Variants in HECW1 observed in about 807,000 individuals in gnomAD.
HECW1 encodes HECT, C2 and WW domain containing E3 ubiquitin protein ligase 1.
In HECW1, 61 loss-of-function variants were observed where a neutral mutation model predicts 182.3. The observed-to-expected ratio is 0.33, with a 90% CI of 0.27 to 0.41. HECW1 has a LOEUF of 0.41. HECW1 is among the 10% of genes least tolerant of loss of function. The pLI, the probability that HECW1 is intolerant of heterozygous loss-of-function variation, is 1.00. For missense variants in HECW1, 1,739 were observed against 2,108.9 expected, an observed-to-expected ratio of 0.82 and a Z score of 3.44; for synonymous variants, 859 against 832.6, an observed-to-expected ratio of 1.03 and a Z score of -0.55.
intron 5 of HECW1, among the ~76,000 whole-genome samples, chr7:43,327,771 T>C (rs1290698662): frequency 6.6e-6 from 1 of 152,186 alleles, no homozygotes; most frequent in Non-Finnish European, 1.5e-5. Context: ...CATACAGTGA[T>C]AATTTTGTCC....
intron 2 of HECW1, among the ~76,000 whole-genome samples, chr7:43,168,657 C>A (rs972524390): frequency 2.0e-5 from 3 of 151,972 alleles, no homozygotes; most frequent in African/African-American, 7.3e-5. Context: ...AAAACCCTGT[C>A]TCCAAAATAA....
intron 16 of HECW1, among the ~76,000 whole-genome samples, chr7:43,471,066 A>T (rs1424300000): frequency 6.6e-6 from 1 of 152,264 alleles, no homozygotes; most frequent in Non-Finnish European, 1.5e-5. Context: ...ATAAGTTAAT[A>T]AGTTAATGAA....
At chr7:43,482,867 T>G (rs1056078779) in intron 17 of HECW1, among the ~76,000 whole-genome samples, 2 of 152,168 alleles carry the variant, frequency 1.3e-5, no homozygotes, top group African/African-American at 4.8e-5. Context: ...TTCACACCAC[T>G]GCACTCCAGC....
At chr7:43,236,608 G>A (rs1044355939) in intron 2 of HECW1, among the ~76,000 whole-genome samples, 8 of 152,202 alleles carry the variant, frequency 5.3e-5, no homozygotes, top group Admixed American at 5.2e-4. Flanking sequence ...GCATTCTTTT[G>A]AGTCCTTGAT....
chr7:43,504,070 A>T (rs936010774), intron 21 of HECW1, among the ~76,000 whole-genome samples: 3 of 151,902 alleles, frequency 2.0e-5, no homozygotes, highest in South Asian at 2.1e-4. Context: ...CCTTTCTCCC[A>T]GTTACTGTCA....
intron 3 of HECW1, among the ~76,000 whole-genome samples, chr7:43,267,781 ATTT>A (rs1221290631): frequency 1.3e-5 from 2 of 152,104 alleles, no homozygotes; most frequent in African/African-American, 4.8e-5. Context: ...ATTAATAGAA[ATTT>A]TTATGTTCAG....
chr7:43,174,632 G>A (rs537100812), intron 2 of HECW1, among the ~76,000 whole-genome samples: 88 of 152,148 alleles, frequency 5.8e-4, no homozygotes, highest in Non-Finnish European at 9.9e-4. Flanking sequence ...TCTCTCCTTC[G>A]CACTCAATCT....
rs1181194244 is a variant in HECW1, at chr7:43,507,076, GAAA to G, written c.3632-56_3632-54del. The G allele has an allele frequency of 1.3e-5, 21 of 1,569,598 alleles. No individual in the cohort carries two copies. In the African/African-American group the frequency reaches 2.2e-4, roughly 17 times the overall value. Reference sequence around the variant, plus strand: ...CAGAGCGAGACTCCTTCTCAAAAAAGAAAAAAAGAAGAAGAAGAAGAAGAAAGA... The same window carrying G: ...CAGAGCGAGACTCCTTCTCAAAAAAGAAAAGAAGAAGAAGAAGAAGAAAGA... On this transcript the variant is annotated intron_variant, in intron 21 of 29. Transcript: ENST00000395891.
At chr7:43,372,365 T>A (rs1250790336) in intron 6 of HECW1, among the ~76,000 whole-genome samples, 1 of 152,130 alleles carries the variant, frequency 6.6e-6, no homozygotes, top group East Asian at 1.9e-4. Context: ...TTCCTTTTTT[T>A]ATTATTATTA....
At chr7:43,408,673 G>T (rs543792044) in intron 8 of HECW1, among the ~76,000 whole-genome samples, 1 of 152,046 alleles carries the variant, frequency 6.6e-6, no homozygotes, top group African/African-American at 2.4e-5. Context: ...GTGACAGAGC[G>T]AGACCCTGTC....
chr7:43,195,521 C>G (rs545938748), intron 2 of HECW1, among the ~76,000 whole-genome samples: 1 of 152,256 alleles, frequency 6.6e-6, no homozygotes, highest in South Asian at 2.1e-4. Context: ...ATGTTACTGC[C>G]CCAGAAAGCA....
chr7:43,262,220 C>A (rs1449145289), intron 3 of HECW1, among the ~76,000 whole-genome samples: 1 of 147,162 alleles, frequency 6.8e-6, no homozygotes, highest in Admixed American at 6.8e-5. Flanking sequence ...GACACTGTCT[C>A]AAAAAATATA....
Position 43,140,784 on chromosome 7 carries a change from T to G in HECW1, c.-32+26393T>G, listed in dbSNP as rs148809512. Among the ~76,000 whole-genome samples the G allele has an allele frequency of 2.5e-3, 374 of 152,292 alleles. 1 individual carries two copies. The highest frequency in any genetic ancestry group is 8.5e-3 in the African/African-American group (354 of 41,566). On this transcript the variant is annotated intron_variant, in intron 2 of 29. Transcript: ENST00000395891. ...TTTATTTTCTCTCAGTTCTGGAGGCTGGAAGTCTGAGGTCAAGGTTCCCAC... is the reference window on the plus strand; with the variant it reads ...TTTATTTTCTCTCAGTTCTGGAGGCGGGAAGTCTGAGGTCAAGGTTCCCAC...
At chr7:43,544,238 G>A (rs528694645) in intron 26 of HECW1, among the ~76,000 whole-genome samples, 1 of 152,252 alleles carries the variant, frequency 6.6e-6, no homozygotes, top group Non-Finnish European at 1.5e-5. Context: ...GCAACATAAT[G>A]TTTAATACAT....
chr7:43,417,621 G>A (rs752505122), intron 8 of HECW1, among the ~76,000 whole-genome samples: 5 of 152,028 alleles, frequency 3.3e-5, no homozygotes, highest in Non-Finnish European at 7.4e-5. Flanking sequence ...CCAGCTACTC[G>A]GGAGGCTGCG....
intron 2 of HECW1, among the ~76,000 whole-genome samples, chr7:43,175,000 A>G (rs1037699667): frequency 1.3e-5 from 2 of 152,008 alleles, no homozygotes; most frequent in African/African-American, 4.8e-5. Flanking sequence ...CATCTCCCAA[A>G]CTCAAGGATT....
At chr7:43,494,978 C>T (rs1213346130) in intron 19 of HECW1, among the ~76,000 whole-genome samples, 4 of 152,172 alleles carry the variant, frequency 2.6e-5, no homozygotes, top group Non-Finnish European at 4.4e-5. Flanking sequence ...CTATTAAGGA[C>T]ATCTCATCCC....
chr7:43,258,256 T>C lies in HECW1; in HGVS notation c.27+14324T>C, dbSNP rs368017805. On this transcript the variant is annotated intron_variant, in intron 3 of 29. Transcript: ENST00000395891. ...TACTCGGGAGGCTAAGGCATGAGAA[T>C]CGCTTGAACCTGGGAGGCGGAGGTT... Among the ~76,000 whole-genome samples the C allele has an allele frequency of 2.7e-5, 4 of 149,026 alleles. No individual in the cohort carries two copies. In the East Asian group the frequency reaches 7.8e-4, roughly 29 times the overall value.
intron 6 of HECW1, among the ~76,000 whole-genome samples, chr7:43,365,558 A>G (rs1816540607): frequency 6.6e-6 from 1 of 152,246 alleles, no homozygotes; most frequent in East Asian, 1.9e-4. Flanking sequence ...CTTTATCAGC[A>G]TTAAAATGTG....
Sources: allele counts gnomAD v4.1 joint callset (sites outside exome capture counted in the v4.1 genomes callset), GRCh38; gene constraint gnomAD v4.1.1; transcripts MANE v1.5; gene names NCBI Gene and HGNC (gene_info 2026-07-23, HGNC 2026-07-21).